Variants in LMNA observed in about 807,000 individuals in gnomAD.
The protein encoded by LMNA is lamin A/C, also known as lamin.
LMNA carries 20 observed loss-of-function variants against 70.4 expected under a neutral mutation model. The observed-to-expected ratio is 0.28, with a 90% CI of 0.20 to 0.41. The LOEUF is 0.41. Among genes scored for constraint, LMNA ranks in the 10% least tolerant of loss-of-function variants. LMNA has a pLI of 1.00. For missense variants in LMNA, 652 were observed against 917.2 expected (o/e 0.71, Z 3.73); for synonymous variants, 339 against 372.8 (o/e 0.91, Z 1.04).
chr1:156,135,505 C>T lies in LMNA; in HGVS notation c.936+193C>T. On this transcript the variant is annotated intron_variant, in intron 5 of 11. Transcript: ENST00000368300. The surrounding 1 kb of genome is among the most constrained non-coding windows in gnomAD (Gnocchi z 4.8). ...GGCCTGTGTGCTGTTTCTGTACACTCTTACCTCACCTTCACTTCTCAGGGC... is the reference window on the plus strand; with the variant it reads ...GGCCTGTGTGCTGTTTCTGTACACTTTTACCTCACCTTCACTTCTCAGGGC... 1.4e-6 allele frequency: 1 copy of T among 698,382 alleles called. No individual in the cohort carries two copies. The highest frequency in any genetic ancestry group is 2.4e-6 in the Non-Finnish European group (1 of 410,150). The allele number at this position is 698,382 out of a possible 1,614,324, so 43.3% of individuals were successfully genotyped here. A position where few individuals can be genotyped will look rare whatever the true frequency, so the allele number is the denominator to read the frequency against.
intron 1 of LMNA, chr1:156,129,824 C>G (rs755011518): frequency 2.6e-6 from 2 of 762,864 alleles, no homozygotes; most frequent in Admixed American, 1.8e-5. Context: ...CTTTGAGGAG[C>G]AGGGAGGCTT....
At chr1:156,128,035 G>A (rs1650744418) in intron 1 of LMNA, among the ~76,000 whole-genome samples, 1 of 151,996 alleles carries the variant, frequency 6.6e-6, no homozygotes, top group Non-Finnish European at 1.5e-5. Context: ...GTGCCAAAGT[G>A]GTACAGCATG....
rs759375162 is a variant in LMNA, at chr1:156,137,249, C to T, written c.1608+17C>T. Reference sequence around the variant, plus strand: ...ACTGGGGAAGTAAGTAGGCCTGGGCCTGGCTGCTTGCTGGACGAGGCTCCC... The same window carrying T: ...ACTGGGGAAGTAAGTAGGCCTGGGCTTGGCTGCTTGCTGGACGAGGCTCCC... On this transcript the variant is annotated intron_variant, in intron 9 of 11. Coordinates refer to ENST00000368300, the MANE Select transcript of LMNA (RefSeq NM_170707.4). This position sits in a 1 kb window ranked among gnomAD's most constrained non-coding sequence, Gnocchi z 4.6. The T allele has an allele frequency of 1.3e-6, 2 of 1,559,732 alleles. No homozygotes were observed. The highest frequency in any genetic ancestry group is 1.4e-5 in the African/African-American group (1 of 73,900).
At chr1:156,104,426 G>A (rs1649250425) in intron 3 of LMNA, among the ~76,000 whole-genome samples, 1 of 152,076 alleles carries the variant, frequency 6.6e-6, no homozygotes, top group African/African-American at 2.4e-5. Context: ...CTCAATTTAT[G>A]AGTCTCCCCT....
intron 1 of LMNA, among the ~76,000 whole-genome samples, chr1:156,119,768 C>A (rs1224346870): frequency 6.6e-6 from 1 of 151,906 alleles, no homozygotes; most frequent in Non-Finnish European, 1.5e-5. Flanking sequence ...CAGAAGACAG[C>A]AGGAGACAGG....
At chr1:156,102,027 T>C (rs1002369675) in intron 3 of LMNA, among the ~76,000 whole-genome samples, 1 of 152,210 alleles carries the variant, frequency 6.6e-6, no homozygotes, top group African/African-American at 2.4e-5. Context: ...CTTCTAAGAA[T>C]TCTCAAGAGT....
chr1:156,136,010 G>A lies in LMNA; in HGVS notation c.1046G>A (p.Arg349Gln), dbSNP rs58789393. 4 of 1,614,154 alleles carry A rather than the reference G, an allele frequency of 2.5e-6. No homozygotes were observed. Among genetic ancestry groups the A allele is most frequent in the African/African-American group, 1.3e-5 (1 of 75,058 alleles). Reference sequence around the variant, plus strand: ...AAGGAGCGGGAGATGGCCGAGATGCGGGCAAGGATGCAGCAGCAGCTGGAC... The same window carrying A: ...AAGGAGCGGGAGATGGCCGAGATGCAGGCAAGGATGCAGCAGCAGCTGGAC... ...AEKEREMAEM[R>Q]ARMQQQLDEY... The change falls in exon 6 of 12, where the codon CGG becomes CAG. Residue 349 changes from arginine (R) to glutamine (Q), a missense_variant. Arg to Gln is a conservative substitution (Grantham distance 43, BLOSUM62 1). Around this residue, in one of 4 missense-constraint regions of LMNA, gnomAD observed 33 missense variants for 75.3 expected, o/e 0.44. Coordinates refer to ENST00000368300, the MANE Select transcript of LMNA (RefSeq NM_170707.4). This position sits in a 1 kb window ranked among gnomAD's most constrained non-coding sequence, Gnocchi z 6.1.
Position 156,137,809 on chromosome 1 carries a change from C to T in LMNA, c.1698+66C>T, listed in dbSNP as rs1331544332. The T allele has an allele frequency of 1.2e-5, 19 of 1,546,000 alleles. No homozygotes were observed. Among genetic ancestry groups the T allele is most frequent in the Non-Finnish European group, 1.2e-5 (14 of 1,146,198 alleles). On this transcript the variant is annotated intron_variant, in intron 10 of 11. Coordinates refer to ENST00000368300, the MANE Select transcript of LMNA (RefSeq NM_170707.4). The surrounding 1 kb of genome is among the most constrained non-coding windows in gnomAD (Gnocchi z 4.6). ...CCACCCAGCCAGGCCTGGGGGCAGC[C>T]TCTCCCCAGCCTCCCCGTGCCAAAA...
At position 156,092,077 on chromosome 1, in the gene LMNA, C is replaced by T. The variant is rs377113123; in HGVS notation, c.-207+1495C>T. 4.9e-4 allele frequency among the ~76,000 whole-genome samples: 75 copies of T among 152,038 alleles called. No homozygotes were observed. In the South Asian group the frequency reaches 6.0e-3, roughly 12 times the overall value. The stretch of plus-strand genomic sequence containing the variant: ...GGATTACAGGTATGCATCACCACAC[C>T]GGGCAAATTTTTGTATTTTTAGTAG... On this transcript the variant is annotated intron_variant, in intron 3 of 12. Transcript: ENST00000368301.
chr1:156,139,489 C>A lies in LMNA; in HGVS notation c.*383C>A. On this transcript the variant is annotated 3_prime_UTR_variant, in exon 12 of 12. Coordinates refer to ENST00000368300, the MANE Select transcript of LMNA (RefSeq NM_170707.4). ...TTCTGCCCTGGCTGCTGCCCCCACC[C>A]CGGGGACCCTGTGACATGGTGCCTG... 1 of 1,331,228 alleles carries A rather than the reference C, an allele frequency of 7.5e-7. No homozygotes were observed. The highest frequency in any genetic ancestry group is 3.6e-5 in the Admixed American group (1 of 27,836). The allele number at this position is 1,331,228 out of a possible 1,614,324, so 82.5% of individuals were successfully genotyped here.
intron 3 of LMNA, among the ~76,000 whole-genome samples, chr1:156,096,948 C>T (rs573109169): frequency 1.3e-5 from 2 of 152,200 alleles, no homozygotes; most frequent in Non-Finnish European, 2.9e-5. Context: ...GACTCTCGCT[C>T]ACCCCTCCCA....
At chr1:156,084,341 G>GGGGGGT in intron 2 of LMNA, among the ~76,000 whole-genome samples, 1 of 127,368 alleles carries the variant, frequency 7.9e-6, no homozygotes, top group South Asian at 3.0e-4. Context: ...GGGGTGGTGG[G>GGGGGGT]GGCAGTTGGC....
intron 3 of LMNA, among the ~76,000 whole-genome samples, chr1:156,098,814 G>C (rs1034157405): frequency 6.6e-6 from 1 of 152,156 alleles, no homozygotes; most frequent in African/African-American, 2.4e-5. Flanking sequence ...GGTAAGCCAT[G>C]ATGCTCACCC....
At chr1:156,088,437 A>T (rs1648564496) in intron 2 of LMNA, among the ~76,000 whole-genome samples, 1 of 152,108 alleles carries the variant, frequency 6.6e-6, no homozygotes, top group Non-Finnish European at 1.5e-5. Context: ...CTTGATCCCC[A>T]CCCTCGGTAA....
chr1:156,119,123 CTTTTTTTTTTTTT>C (rs1650026074), intron 1 of LMNA, among the ~76,000 whole-genome samples: 2 of 141,282 alleles, frequency 1.4e-5, no homozygotes, highest in African/African-American at 5.2e-5. Flanking sequence ...TTTTTTTTTT[CTTTTTTTTTTTTT>C]GAGACGGAGT....
chr1:156,103,391 TG>T lies in LMNA; in HGVS notation c.-206-11321del, dbSNP rs1458756418. Among the ~76,000 whole-genome samples the T allele has an allele frequency of 1.3e-5, 2 of 152,068 alleles. No homozygotes were observed. The highest frequency in any genetic ancestry group is 2.4e-5 in the African/African-American group (1 of 41,392). On this transcript the variant is annotated intron_variant, in intron 3 of 12. Coordinates refer to the LMNA transcript ENST00000368301. The surrounding 1 kb of genome is among the most constrained non-coding windows in gnomAD (Gnocchi z 4.7). ...AAGAGGGCCCCCAGTATGCCCCTCT[TG>T]TGTGCTGGGCCCTCGCACTTCCTCT...
chr1:156,113,593 G>C (rs1301738387), upstream of LMNA, among the ~76,000 whole-genome samples: 1 of 152,184 alleles, frequency 6.6e-6, no homozygotes, highest in Non-Finnish European at 1.5e-5. Context: ...CAGCAAGGCT[G>C]TGGGGTCTTT....
intron 2 of LMNA, among the ~76,000 whole-genome samples, chr1:156,086,775 C>T (rs1385340266): frequency 1.3e-5 from 2 of 152,036 alleles, no homozygotes; most frequent in African/African-American, 2.4e-5. Flanking sequence ...GAGTAGCTGG[C>T]ATTACAGCAT....
chr1:156,119,850 T>A (rs576868152), intron 1 of LMNA, among the ~76,000 whole-genome samples: 1 of 152,124 alleles, frequency 6.6e-6, no homozygotes, highest in Non-Finnish European at 1.5e-5. Flanking sequence ...CCCTCCCCAT[T>A]GCATCCTGGA....
Sources: gnomAD v4.1 joint callset for allele counts (sites outside exome capture counted in the v4.1 genomes callset) on GRCh38, gnomAD v4.1.1 for gene constraint, gnomAD v4.1.1 regional missense constraint, Gnocchi (gnomAD v3.1) non-coding constraint, MANE v1.5 for transcripts, NCBI Gene and HGNC (gene_info 2026-07-23, HGNC 2026-07-21) for gene names.